Variants in LYSMD1 observed in about 807,000 individuals in gnomAD.
LYSMD1 encodes LysM domain containing 1, also known as lysM and putative peptidoglycan-binding domain-containing protein 1.
LYSMD1 carries 9 observed loss-of-function variants against 19.3 expected under a neutral mutation model. The observed-to-expected ratio is 0.47, with a 90% CI of 0.28 to 0.81. The LOEUF (loss-of-function observed/expected upper bound fraction) is 0.81, where lower values mean the gene tolerates loss of function less well. LYSMD1 is among the 40% of genes least tolerant of loss of function. The pLI is 0.11. For missense variants in LYSMD1, 262 were observed against 279.8 expected (o/e 0.94, Z 0.45); for synonymous variants, 111 against 111.7 (o/e 0.99, Z 0.04).
downstream of LYSMD1, chr1:151,158,644 A>G: frequency 2.8e-6 from 4 of 1,428,626 alleles, no homozygotes; most frequent in Non-Finnish European, 3.8e-6. Context: ...CTTTCTAAGG[A>G]AGCCTGTGGC....
intron 1 of LYSMD1, among the ~76,000 whole-genome samples, chr1:151,164,814 G>A (rs1468197055): frequency 6.6e-6 from 1 of 152,188 alleles, no homozygotes; most frequent in Non-Finnish European, 1.5e-5. Flanking sequence ...ATGTATACTT[G>A]ATACAGATGT....
chr1:151,149,547 C>T, the LYSMD1 span, among the ~76,000 whole-genome samples: 192 of 151,876 alleles, frequency 1.3e-3, 2 homozygotes, highest in South Asian at 3.3e-3. Context: ...CTCAGGAGTT[C>T]GAGACCAGCC....
chr1:151,161,594 C>T lies in LYSMD1; in HGVS notation c.545+142G>A, dbSNP rs935493680. 1.9e-5 allele frequency: 21 copies of T among 1,085,090 alleles called. No individual in the cohort carries two copies. The South Asian group carries it at 2.6e-4, about 13-fold the overall frequency. 67.2% of individuals were successfully genotyped at this position (1,085,090 alleles called of 1,614,324 possible). ...CAGGCCAGCAGCCATCACCTCTGCT[C>T]ATTATCTTGGGGCCACATGGGGGAA... On this transcript the variant is annotated intron_variant, in intron 2 of 2. Coordinates refer to ENST00000368908, the MANE Select transcript of LYSMD1 (RefSeq NM_212551.5).
intron 1 of LYSMD1, among the ~76,000 whole-genome samples, chr1:151,163,756 G>A (rs587762516): frequency 2.0e-5 from 3 of 151,866 alleles, no homozygotes; most frequent in Non-Finnish European, 2.9e-5. Flanking sequence ...CTGTACTCCC[G>A]AGCTCAAGCA....
Position 151,165,296 on chromosome 1 carries a change from G to T in LYSMD1, c.-38C>A. 1.3e-6 allele frequency: 2 copies of T among 1,594,522 alleles called. No homozygotes were observed. The highest frequency in any genetic ancestry group is 8.6e-7 in the Non-Finnish European group (1 of 1,169,004). ...CCAACAGCTAAGGTTGCAACTAGGG[G>T]AGGTACGACCGAGACTGCGACTGAC... On this transcript the variant is annotated 5_prime_UTR_variant, in exon 1 of 3. Transcript: ENST00000368908.
intron 1 of LYSMD1, among the ~76,000 whole-genome samples, chr1:151,163,450 T>C (rs1362409326): frequency 6.6e-6 from 1 of 152,120 alleles, no homozygotes; most frequent in African/African-American, 2.4e-5. Context: ...AACTATTACT[T>C]ATAATTATGT....
At chr1:151,148,773 TA>T in the LYSMD1 span, among the ~76,000 whole-genome samples, 5 of 151,500 alleles carry the variant, frequency 3.3e-5, no homozygotes, top group Admixed American at 6.6e-5. Flanking sequence ...GCAGCATGGA[TA>T]AAAAAAAGGT....
the LYSMD1 span, among the ~76,000 whole-genome samples, chr1:151,154,002 G>T: frequency 1.3e-5 from 2 of 151,692 alleles, no homozygotes; most frequent in African/African-American, 4.8e-5. Flanking sequence ...ACTTCCCCAT[G>T]AATGAAGTAA....
chr1:151,159,739 A>T, downstream of LYSMD1: 6 of 178,934 alleles, frequency 3.4e-5, no homozygotes, highest in East Asian at 1.7e-4. Flanking sequence ...AAATAAAACT[A>T]CTAAAATATG....
downstream of LYSMD1, among the ~76,000 whole-genome samples, chr1:151,156,100 C>CAAAAAAAAAAAAAAAAAAAA (rs751524835): frequency 2.6e-5 from 1 of 38,124 alleles, no homozygotes; most frequent in African/African-American, 7.8e-5. Flanking sequence ...AACTCTGTCT[C>CAAAAAAAAAAAAAAAAAAAA]AAAAAAAAAA....
chr1:151,154,458 G>C, the LYSMD1 span, among the ~76,000 whole-genome samples: 1 of 148,036 alleles, frequency 6.8e-6, no homozygotes, highest in African/African-American at 2.6e-5. Context: ...CTGGGTGACA[G>C]GGACAGAGCA....
the LYSMD1 span, among the ~76,000 whole-genome samples, chr1:151,153,448 T>C: frequency 1.3e-5 from 2 of 150,882 alleles, no homozygotes; most frequent in Non-Finnish European, 3.0e-5. Flanking sequence ...AGGTCAGGAG[T>C]TCGAGACCAG....
downstream of LYSMD1, among the ~76,000 whole-genome samples, chr1:151,155,048 C>CGGT (rs1683188799): frequency 6.6e-6 from 1 of 152,220 alleles, no homozygotes; most frequent in African/African-American, 2.4e-5. Context: ...TCATGAGCCA[C>CGGT]CGCGCCCGGC....
chr1:151,155,120 AAAC>A (rs1310582838), downstream of LYSMD1, among the ~76,000 whole-genome samples: 6 of 152,150 alleles, frequency 3.9e-5, no homozygotes, highest in African/African-American at 1.4e-4. Context: ...CTTATCTCTC[AAAC>A]AACTTACATT....
chr1:151,158,727 A>T, downstream of LYSMD1: 1 of 1,609,960 alleles, frequency 6.2e-7, no homozygotes, highest in Non-Finnish European at 8.5e-7. Context: ...AGAGCCTGGC[A>T]CTGCAAGCAG....
chr1:151,161,052 A>C (rs1275315643), intron 2 of LYSMD1, 32 bp from the exon 3 acceptor site: 1 of 1,609,612 alleles, frequency 6.2e-7, no homozygotes, highest in African/African-American at 1.3e-5. Flanking sequence ...AAAGAGTGAC[A>C]GATCAAGGGA....
Position 151,165,517 on chromosome 1 carries a change from T to TC in LYSMD1, c.-260dup. 1 of 1,441,178 alleles carries TC rather than the reference T, an allele frequency of 6.9e-7. No individual in the cohort carries two copies. The highest frequency in any genetic ancestry group is 1.5e-5 in the South Asian group (1 of 67,386). The allele number at this position is 1,441,178 out of a possible 1,614,324, so 89.3% of individuals were successfully genotyped here. ...CCTAAGCACCCCTCCGACTTTGGAC[T>TC]CCCCCACAACTCCTCGCTACATTGA... On this transcript the variant is annotated 5_prime_UTR_variant, in exon 1 of 3. Transcript: ENST00000368908.
downstream of LYSMD1, among the ~76,000 whole-genome samples, chr1:151,157,197 C>T (rs935322328): frequency 2.0e-5 from 3 of 152,128 alleles, no homozygotes; most frequent in African/African-American, 4.8e-5. Flanking sequence ...TCTCCTCTTC[C>T]GGCTGGGGAG....
chr1:151,165,286 G>GC lies in LYSMD1; in HGVS notation c.-29dup. The GC allele has an allele frequency of 6.2e-7, 1 of 1,600,340 alleles. No homozygotes were observed. Among genetic ancestry groups the GC allele is most frequent in the African/African-American group, 1.3e-5 (1 of 74,506 alleles). ...CTTCACCCTGCCAACAGCTAAGGTT[G>GC]CAACTAGGGGAGGTACGACCGAGAC... On this transcript the variant is annotated 5_prime_UTR_variant, in exon 1 of 3. Coordinates refer to ENST00000368908, the MANE Select transcript of LYSMD1 (RefSeq NM_212551.5).
Sources: allele counts gnomAD v4.1 joint callset (sites outside exome capture counted in the v4.1 genomes callset), GRCh38; gene constraint gnomAD v4.1.1; transcripts MANE v1.5; gene names NCBI Gene and HGNC (gene_info 2026-07-23, HGNC 2026-07-21).